CNTN5: variants seen among roughly 807,000 people sequenced by gnomAD.
The protein encoded by CNTN5 is contactin-5.
Under a neutral mutation model 129.1 loss-of-function variants are expected in CNTN5, and 77 were observed. The ratio of observed to expected loss-of-function variants is 0.60; its 90% confidence interval spans 0.50 to 0.72. The LOEUF (loss-of-function observed/expected upper bound fraction) is 0.72, where lower values mean the gene tolerates loss of function less well. CNTN5 is among the 30% of genes least tolerant of loss of function. The pLI is 0.00. For synonymous variants in CNTN5, 509 were observed against 465.6 expected, an observed-to-expected ratio of 1.09 and a Z score of -1.20; for missense variants, 1,478 against 1,328.8, an observed-to-expected ratio of 1.11 and a Z score of -1.75.
chr11:100,325,072 G>A (rs559788632), intron 21 of CNTN5, among the ~76,000 whole-genome samples: 2 of 152,172 alleles, frequency 1.3e-5, no homozygotes, highest in African/African-American at 4.8e-5. Context: ...CTAAATTGAC[G>A]CAAGCAGGGA....
intron 3 of CNTN5, among the ~76,000 whole-genome samples, chr11:99,806,996 T>G (rs1145390): frequency 0.59 from 89,054 of 151,814 alleles, 26,741 homozygotes; most frequent in East Asian, 0.72. Flanking sequence ...ATAAAGTGCT[T>G]TTAAGAATCA....
intron 7 of CNTN5, among the ~76,000 whole-genome samples, chr11:99,935,703 T>G (rs1050295431): frequency 2.0e-5 from 3 of 152,104 alleles, no homozygotes; most frequent in Non-Finnish European, 2.9e-5. Flanking sequence ...ATAAGTATTG[T>G]CAAACTGTCT....
chr11:99,849,039 A>C (rs1947790502), intron 6 of CNTN5, among the ~76,000 whole-genome samples: 1 of 152,114 alleles, frequency 6.6e-6, no homozygotes, highest in Admixed American at 6.6e-5. Context: ...CTTGTTGAAC[A>C]GTGTTTAATA....
chr11:99,105,186 T>C (rs1387899356), intron 1 of CNTN5, among the ~76,000 whole-genome samples: 2 of 152,166 alleles, frequency 1.3e-5, no homozygotes, highest in African/African-American at 2.4e-5. Context: ...GATTAATAAG[T>C]ACACTTATGT....
intron 21 of CNTN5, among the ~76,000 whole-genome samples, chr11:100,317,795 T>C (rs1951598369): frequency 6.6e-6 from 1 of 152,182 alleles, no homozygotes; most frequent in African/African-American, 2.4e-5. Context: ...GGCTTCATGG[T>C]TGAAATTCTG....
intron 4 of CNTN5, among the ~76,000 whole-genome samples, chr11:99,823,101 A>G (rs950512817): frequency 2.0e-5 from 3 of 152,220 alleles, no homozygotes; most frequent in African/African-American, 7.2e-5. Context: ...CTATTCGAAC[A>G]TTGGGATGAG....
At chr11:99,303,203 C>T (rs567079714) in intron 1 of CNTN5, among the ~76,000 whole-genome samples, 1 of 151,266 alleles carries the variant, frequency 6.6e-6, no homozygotes, top group African/African-American at 2.4e-5. Context: ...AGATGCTTAT[C>T]GATTTTAGAA....
At chr11:99,501,608 A>T (rs911755021) in intron 2 of CNTN5, among the ~76,000 whole-genome samples, 3 of 152,210 alleles carry the variant, frequency 2.0e-5, no homozygotes, top group African/African-American at 4.8e-5. Context: ...GGACAAAAAA[A>T]GTTTTGAATT....
intron 3 of CNTN5, chr11:99,558,316 G>T (rs1207771143): frequency 2.5e-6 from 1 of 400,060 alleles, no homozygotes. Context: ...AGGTAGGGTT[G>T]CAAGATGAAA....
chr11:99,394,708 C>G (rs1941431760), intron 2 of CNTN5, among the ~76,000 whole-genome samples: 1 of 151,502 alleles, frequency 6.6e-6, no homozygotes, highest in African/African-American at 2.4e-5. Flanking sequence ...CCTTCATCCT[C>G]TGAAAGGTTT....
At chr11:99,852,806 A>G (rs947466668) in intron 6 of CNTN5, among the ~76,000 whole-genome samples, 1 of 152,174 alleles carries the variant, frequency 6.6e-6, no homozygotes. Context: ...GACTGTATAC[A>G]TCTTCTGACC....
intron 9 of CNTN5, among the ~76,000 whole-genome samples, chr11:100,004,372 G>C (rs1940065126): frequency 6.6e-6 from 1 of 151,968 alleles, no homozygotes; most frequent in Non-Finnish European, 1.5e-5. Flanking sequence ...TCTTTCCATG[G>C]GGGCTCTCAT....
At chr11:99,113,761 C>G (rs1357072767) in intron 1 of CNTN5, among the ~76,000 whole-genome samples, 2 of 152,014 alleles carry the variant, frequency 1.3e-5, no homozygotes, top group Non-Finnish European at 2.9e-5. Flanking sequence ...GCATGGCACA[C>G]AAATAGCCTC....
chr11:99,817,372 T>C (rs1192827307), intron 3 of CNTN5, among the ~76,000 whole-genome samples: 1 of 152,208 alleles, frequency 6.6e-6, no homozygotes, highest in Non-Finnish European at 1.5e-5. Context: ...AAATTAGCAT[T>C]TGGCTCATCT....
At chr11:99,940,833 C>A (rs1214836182) in intron 7 of CNTN5, among the ~76,000 whole-genome samples, 1 of 151,892 alleles carries the variant, frequency 6.6e-6, no homozygotes, top group Non-Finnish European at 1.5e-5. Flanking sequence ...ATGGAATTTC[C>A]TTGTAATTAA....
chr11:99,899,569 C>T (rs75510473), intron 6 of CNTN5, among the ~76,000 whole-genome samples: 20,086 of 151,890 alleles, frequency 0.13, 1,508 homozygotes, highest in East Asian at 0.18. Flanking sequence ...ATCCCTTGAG[C>T]GAAGCACATT....
chr11:99,451,855 T>C (rs934563453), intron 2 of CNTN5, among the ~76,000 whole-genome samples: 4 of 152,138 alleles, frequency 2.6e-5, no homozygotes, highest in African/African-American at 9.6e-5. Flanking sequence ...GAATGACACA[T>C]TGTTCTTTTA....
chr11:99,821,966 T>C (rs1233763715), intron 4 of CNTN5, among the ~76,000 whole-genome samples: 1 of 152,224 alleles, frequency 6.6e-6, no homozygotes, highest in Non-Finnish European at 1.5e-5. Context: ...ACTACTGTTT[T>C]CTCTTCTGAG....
chr11:99,434,608 T>C (rs1404459605), intron 2 of CNTN5, among the ~76,000 whole-genome samples: 2 of 152,158 alleles, frequency 1.3e-5, no homozygotes, highest in South Asian at 2.1e-4. Flanking sequence ...TATTCCAACG[T>C]AGGACACAGC....
Sources: allele counts gnomAD v4.1 joint callset (sites outside exome capture counted in the v4.1 genomes callset), GRCh38; gene constraint gnomAD v4.1.1; transcripts MANE v1.5; gene names NCBI Gene and HGNC (gene_info 2026-07-23, HGNC 2026-07-21).